Variants in SPINT2 observed in about 807,000 individuals in gnomAD.
SPINT2 encodes the protein kunitz-type protease inhibitor 2.
SPINT2 carries 18 observed loss-of-function variants against 30.1 expected under a neutral mutation model. The observed-to-expected ratio is 0.60, with a 90% CI of 0.41 to 0.89. The LOEUF (loss-of-function observed/expected upper bound fraction) is 0.89, where lower values mean the gene tolerates loss of function less well. SPINT2 is among the 40% of genes least tolerant of loss of function. The probability of loss-of-function intolerance (pLI) is 0.00; values close to 1 mark genes in which losing one functional copy is unlikely to be tolerated. For synonymous variants in SPINT2, 139 were observed against 137.9 expected (o/e 1.01, Z -0.05); for missense variants, 276 against 334.3 (o/e 0.83, Z 1.36).
intron 1 of SPINT2, among the ~76,000 whole-genome samples, chr19:38,274,353 G>C: frequency 6.6e-6 from 1 of 151,700 alleles, no homozygotes. Flanking sequence ...TGAAACTCTT[G>C]GATTAAATGA....
chr19:38,266,083 C>T (rs1343937407), intron 1 of SPINT2, among the ~76,000 whole-genome samples: 2 of 152,282 alleles, frequency 1.3e-5, no homozygotes, highest in South Asian at 4.1e-4. Flanking sequence ...GAGGCAGTAG[C>T]CACACGGAGA....
At chr19:38,283,936 G>T in intron 2 of SPINT2, 139 bp downstream of exon 2, 1 of 1,007,782 alleles carries the variant, frequency 9.9e-7, no homozygotes, top group African/African-American at 1.7e-5. Flanking sequence ...CCGCCTCCCG[G>T]GTTCACGCCA....
intron 2 of SPINT2, among the ~76,000 whole-genome samples, chr19:38,286,742 C>T (rs1968646428): frequency 6.6e-6 from 1 of 152,116 alleles, no homozygotes; most frequent in African/African-American, 2.4e-5. Flanking sequence ...GAGATCGCGC[C>T]AGAGCACTCC....
At chr19:38,271,524 G>C (rs1255379402) in intron 1 of SPINT2, among the ~76,000 whole-genome samples, 1 of 147,744 alleles carries the variant, frequency 6.8e-6, no homozygotes, top group Non-Finnish European at 1.5e-5. Flanking sequence ...AGTGAGAGGA[G>C]CCACTTACAA....
At chr19:38,282,195 T>C (rs1002771219) in intron 1 of SPINT2, among the ~76,000 whole-genome samples, 2 of 152,252 alleles carry the variant, frequency 1.3e-5, no homozygotes, top group Admixed American at 1.3e-4. Flanking sequence ...TGTGACATAT[T>C]TGGGGAGACA....
intron 1 of SPINT2, among the ~76,000 whole-genome samples, chr19:38,277,452 A>C (rs1304327317): frequency 1.3e-5 from 2 of 152,052 alleles, no homozygotes; most frequent in African/African-American, 2.4e-5. Context: ...TGCTCGTCTC[A>C]GCCTCCCAAA....
At chr19:38,266,377 C>CA (rs112054111) in intron 1 of SPINT2, among the ~76,000 whole-genome samples, 12,803 of 136,034 alleles carry the variant, frequency 0.094, 683 homozygotes, top group African/African-American at 0.18. Flanking sequence ...ACTCCCATCT[C>CA]AAAAAAAAAA....
chr19:38,265,043 A>C, intron 1 of SPINT2, 45 bp downstream of exon 1: 1 of 1,143,878 alleles, frequency 8.7e-7, no homozygotes, highest in Non-Finnish European at 1.1e-6. Flanking sequence ...CAGGGGGCAG[A>C]GGCTCGGGGG....
intron 1 of SPINT2, among the ~76,000 whole-genome samples, chr19:38,282,490 C>T (rs1968591052): frequency 6.6e-6 from 1 of 152,206 alleles, no homozygotes; most frequent in South Asian, 2.1e-4. Flanking sequence ...CGCCTTCAAT[C>T]CTTCCAGTGG....
chr19:38,284,158 C>G (rs1358878470), intron 2 of SPINT2, among the ~76,000 whole-genome samples: 1 of 149,556 alleles, frequency 6.7e-6, no homozygotes, highest in Non-Finnish European at 1.5e-5. Context: ...TTTTTTTAGA[C>G]AGGGTCTCAC....
intron 1 of SPINT2, among the ~76,000 whole-genome samples, chr19:38,267,988 G>C (rs182704835): frequency 6.6e-6 from 1 of 152,178 alleles, no homozygotes. Context: ...ATTCCAATTA[G>C]GTAAGAGGGT....
intron 4 of SPINT2, chr19:38,289,648 G>A (rs1485953885): frequency 1.5e-5 from 4 of 261,880 alleles, no homozygotes; most frequent in Admixed American, 1.0e-4. Context: ...CTGAGGTTGG[G>A]GTCAAGGTGA....
chr19:38,267,777 C>G (rs1968397780), intron 1 of SPINT2, among the ~76,000 whole-genome samples: 1 of 151,972 alleles, frequency 6.6e-6, no homozygotes, highest in African/African-American at 2.4e-5. Flanking sequence ...AGGCCCGGAG[C>G]TAAAGTTGGG....
intron 4 of SPINT2, 43 bp downstream of exon 4, chr19:38,289,234 A>AT (rs1568344070): frequency 6.3e-7 from 1 of 1,576,286 alleles, no homozygotes. Context: ...CACACCTGTA[A>AT]TCCCAGCGCT....
intron 1 of SPINT2, among the ~76,000 whole-genome samples, chr19:38,280,780 C>A (rs921135789): frequency 6.6e-6 from 1 of 152,130 alleles, no homozygotes; most frequent in Non-Finnish European, 1.5e-5. Context: ...GCCTGGGCGC[C>A]GGGTGTTGTT....
chr19:38,269,607 CTTTTTTTTT>C (rs1189751582), intron 1 of SPINT2, among the ~76,000 whole-genome samples: 1 of 106,190 alleles, frequency 9.4e-6, no homozygotes. Flanking sequence ...GATTTCTTTT[CTTTTTTTTT>C]TTTTTTTTTT....
At chr19:38,291,507 T>C (rs1968718234) in intron 6 of SPINT2, 1 of 321,514 alleles carries the variant, frequency 3.1e-6, no homozygotes, top group South Asian at 3.7e-5. Context: ...TACACCCTTG[T>C]GCATCTCTCG....
In SPINT2 at chr19:38,291,511, T is replaced by G. The variant is rs1968718271; in HGVS notation, c.593-329T>G. On this transcript the variant is annotated intron_variant, in intron 6 of 6. Coordinates refer to ENST00000301244, the MANE Select transcript of SPINT2 (RefSeq NM_021102.4). ...TAAGTGTTTTTTACACCCTTGTGCA[T>G]CTCTCGGCCTGGGGCTCCTGTGCAG... The G allele has an allele frequency of 3.7e-5, 12 of 327,268 alleles. No homozygotes were observed. The South Asian group carries it at 4.0e-4, about 11-fold the overall frequency. 20.3% of individuals were successfully genotyped at this position (327,268 alleles called of 1,614,324 possible). A position where few individuals can be genotyped will look rare whatever the true frequency, so the allele number is the denominator to read the frequency against.
At chr19:38,289,347 A>C in intron 4 of SPINT2, 156 bp downstream of exon 4, 2 of 619,016 alleles carry the variant, frequency 3.2e-6, no homozygotes, top group Non-Finnish European at 5.9e-6. Flanking sequence ...AGCTGGACGT[A>C]GTGGCATGCA....
Sources: allele counts gnomAD v4.1 joint callset (sites outside exome capture counted in the v4.1 genomes callset), GRCh38; gene constraint gnomAD v4.1.1; transcripts MANE v1.5; gene names NCBI Gene and HGNC (gene_info 2026-07-23, HGNC 2026-07-21).